STK3: variants seen among roughly 807,000 people sequenced by gnomAD.
STK3 encodes the protein serine/threonine-protein kinase 3.
STK3 carries 41 observed loss-of-function variants against 58.0 expected under a neutral mutation model. The ratio of observed to expected loss-of-function variants is 0.71; its 90% CI spans 0.55 to 0.92. The LOEUF is 0.92. Ranked by LOEUF, STK3 falls within the 40% of genes least tolerant of loss-of-function variation. The pLI is 0.00. For synonymous variants in STK3, 170 were observed against 191.0 expected, an observed-to-expected ratio of 0.89 and a Z score of 0.91; for missense variants, 479 against 602.7, an observed-to-expected ratio of 0.79 and a Z score of 2.15.
intron 1 of STK3, among the ~76,000 whole-genome samples, chr8:98,442,489 A>G (rs1173551581): frequency 1.1e-4 from 17 of 152,268 alleles, no homozygotes; most frequent in Admixed American, 1.1e-3. Context: ...GCGTTATTTC[A>G]GGCCCTCACC....
intron 6 of STK3, among the ~76,000 whole-genome samples, chr8:98,637,979 A>C (rs1819741391): frequency 6.6e-6 from 1 of 152,156 alleles, no homozygotes; most frequent in African/African-American, 2.4e-5. Context: ...CTATCATGTA[A>C]AGAAATCTGT....
intron 3 of STK3, among the ~76,000 whole-genome samples, chr8:98,433,343 T>C (rs544928017): frequency 6.6e-6 from 1 of 152,262 alleles, no homozygotes; most frequent in South Asian, 2.1e-4. Flanking sequence ...GGCTCCCTAA[T>C]AGTAAATTGG....
chr8:98,769,273 G>A (rs1398022621), intron 2 of STK3, among the ~76,000 whole-genome samples: 1 of 152,168 alleles, frequency 6.6e-6, no homozygotes. Context: ...ATCTCATCTT[G>A]TAGCTCCCAT....
chr8:98,659,079 G>C (rs1821768805), intron 6 of STK3, among the ~76,000 whole-genome samples: 1 of 151,912 alleles, frequency 6.6e-6, no homozygotes, highest in Admixed American at 6.6e-5. Context: ...TAGGTGTACA[G>C]ACAGCTATAT....
intron 8 of STK3, among the ~76,000 whole-genome samples, chr8:98,577,481 G>A (rs535657255): frequency 1.9e-3 from 287 of 151,952 alleles, no homozygotes; most frequent in Non-Finnish European, 3.4e-3. Flanking sequence ...AACGAGACTC[G>A]GTCTCAAAAA....
chr8:98,642,529 A>G (rs1320053759), intron 6 of STK3, among the ~76,000 whole-genome samples: 2 of 152,078 alleles, frequency 1.3e-5, no homozygotes, highest in Non-Finnish European at 2.9e-5. Context: ...TGAGAGTGGG[A>G]GAGATTGTAT....
intron 10 of STK3, among the ~76,000 whole-genome samples, chr8:98,506,182 C>T (rs918078649): frequency 5.0e-4 from 76 of 152,324 alleles, no homozygotes; most frequent in Non-Finnish European, 9.7e-4. Context: ...AGCAAGGCTC[C>T]GTGGGCATGA....
intron 1 of STK3, among the ~76,000 whole-genome samples, chr8:98,899,822 G>A (rs1186403991): frequency 6.6e-6 from 1 of 152,150 alleles, no homozygotes; most frequent in Non-Finnish European, 1.5e-5. Flanking sequence ...AAGATTCAAA[G>A]CCAGGTCTGA....
chr8:98,569,731 TTTAA>T (rs1190951073), intron 8 of STK3, among the ~76,000 whole-genome samples: 3 of 152,060 alleles, frequency 2.0e-5, no homozygotes, highest in Non-Finnish European at 2.9e-5. Flanking sequence ...AAGAATTTGT[TTTAA>T]TTGTGATTAC....
At chr8:98,344,840 C>G in the STK3 span, among the ~76,000 whole-genome samples, 2 of 138,182 alleles carry the variant, frequency 1.4e-5, no homozygotes, top group Non-Finnish European at 3.0e-5. Context: ...TTGCAGTGAG[C>G]CGAGATCCCG....
intron 7 of STK3, among the ~76,000 whole-genome samples, chr8:98,580,096 A>T (rs1463001959): frequency 6.6e-6 from 1 of 152,202 alleles, no homozygotes; most frequent in Non-Finnish European, 1.5e-5. Flanking sequence ...AGTAAAAAAG[A>T]TTAAGTTAAA....
intron 8 of STK3, among the ~76,000 whole-genome samples, chr8:98,551,931 A>G (rs1041772263): frequency 6.6e-6 from 1 of 152,092 alleles, no homozygotes; most frequent in African/African-American, 2.4e-5. Flanking sequence ...CCATCATTTT[A>G]TATCTGAAAA....
intron 6 of STK3, among the ~76,000 whole-genome samples, chr8:98,689,163 T>C (rs930222113): frequency 2.0e-5 from 3 of 151,996 alleles, no homozygotes; most frequent in African/African-American, 4.8e-5. Context: ...CTAGAGGAAA[T>C]TGATTAATTC....
chr8:98,706,254 T>C (rs992049545), intron 6 of STK3, among the ~76,000 whole-genome samples: 8 of 152,186 alleles, frequency 5.3e-5, no homozygotes, highest in African/African-American at 1.2e-4. Context: ...ACAGTGATGG[T>C]AGAGATATAC....
the STK3 span, among the ~76,000 whole-genome samples, chr8:98,354,992 G>T: frequency 6.6e-6 from 1 of 152,122 alleles, no homozygotes; most frequent in Non-Finnish European, 1.5e-5. Context: ...GGTCAGGCTG[G>T]TCCCGAACTC....
chr8:98,780,924 G>A (rs186285050), intron 1 of STK3, among the ~76,000 whole-genome samples: 1 of 152,234 alleles, frequency 6.6e-6, no homozygotes, highest in East Asian at 1.9e-4. Context: ...AGCACAAGAA[G>A]GTAATATTTG....
At chr8:98,603,859 A>G (rs1295346312) in intron 6 of STK3, among the ~76,000 whole-genome samples, 2 of 152,186 alleles carry the variant, frequency 1.3e-5, no homozygotes, top group Non-Finnish European at 2.9e-5. Context: ...CCACCCCGCA[A>G]GATGTCTACG....
intron 8 of STK3, among the ~76,000 whole-genome samples, chr8:98,550,443 A>C (rs1043111548): frequency 3.9e-5 from 6 of 152,146 alleles, no homozygotes; most frequent in African/African-American, 9.7e-5. Context: ...TATTTCATTT[A>C]TCTCTCCAGT....
intron 1 of STK3, among the ~76,000 whole-genome samples, chr8:98,776,159 A>T (rs1207373642): frequency 6.6e-6 from 1 of 151,960 alleles, no homozygotes; most frequent in Non-Finnish European, 1.5e-5. Context: ...CCCCTACAGG[A>T]TAAGAATGCC....
Sources: allele counts gnomAD v4.1 joint callset (sites outside exome capture counted in the v4.1 genomes callset), GRCh38; gene constraint gnomAD v4.1.1; transcripts MANE v1.5; gene names NCBI Gene and HGNC (gene_info 2026-07-23, HGNC 2026-07-21).